The following ACTR3C variants were observed in gnomAD, a reference collection of about 807,000 sequenced individuals.
The protein encoded by ACTR3C is actin related protein 3C, also known as actin-related protein 3C.
A neutral mutation model predicts 26.3 loss-of-function variants in ACTR3C; 18 were observed. The ratio of observed to expected loss-of-function variants is 0.68; its 90% CI spans 0.47 to 1.01. The LOEUF is 1.01. ACTR3C is among the 50% of genes least tolerant of loss of function. The pLI is 0.00. For synonymous variants in ACTR3C, 55 were observed against 94.5 expected (o/e 0.58, Z 2.42); for missense variants, 184 against 250.7 (o/e 0.73, Z 1.80).
the ACTR3C span, among the ~76,000 whole-genome samples, chr7:150,127,822 G>A: frequency 6.0e-5 from 9 of 151,180 alleles, 1 homozygote; most frequent in South Asian, 4.2e-4. Context: ...TAAAGGCACC[G>A]TTACATCTAA....
At chr7:150,181,314 T>C in the ACTR3C span, among the ~76,000 whole-genome samples, 1 of 150,300 alleles carries the variant, frequency 6.7e-6, no homozygotes, top group Non-Finnish European at 1.5e-5. Flanking sequence ...TTATTTCCAT[T>C]AGAAGAAAAC....
the ACTR3C span, chr7:149,891,465 A>G: frequency 2.1e-6 from 1 of 474,562 alleles, no homozygotes; most frequent in Non-Finnish European, 3.9e-6. Flanking sequence ...GAAAAAAAAG[A>G]TTAAGTTACA....
chr7:150,223,506 A>G, the ACTR3C span, among the ~76,000 whole-genome samples: 168 of 151,922 alleles, frequency 1.1e-3, 1 homozygote, highest in African/African-American at 3.8e-3. Flanking sequence ...TTGTTTTTAG[A>G]AACTGCCAAA....
chr7:149,989,194 C>T, the ACTR3C span, among the ~76,000 whole-genome samples: 3 of 152,170 alleles, frequency 2.0e-5, no homozygotes, highest in Non-Finnish European at 4.4e-5. Context: ...TGCATATATT[C>T]ATGGGGTCCA....
At chr7:149,903,232 A>C in the ACTR3C span, among the ~76,000 whole-genome samples, 1 of 143,788 alleles carries the variant, frequency 7.0e-6, no homozygotes, top group Non-Finnish European at 1.5e-5. Context: ...TTTTAATAGA[A>C]GTTCTAGCCA....
chr7:150,239,502 TGCTC>T (rs1377729874), downstream of ACTR3C, among the ~76,000 whole-genome samples: 108 of 112,056 alleles, frequency 9.6e-4, 6 homozygotes, highest in African/African-American at 4.8e-3. Flanking sequence ...ACATAAAAGT[TGCTC>T]GCTCTCTCTC....
the ACTR3C span, among the ~76,000 whole-genome samples, chr7:149,939,850 A>G: frequency 6.8e-6 from 1 of 147,524 alleles, no homozygotes; most frequent in Non-Finnish European, 1.5e-5. Flanking sequence ...CAAATCTTCC[A>G]TTTGAAAGAA....
the ACTR3C span, among the ~76,000 whole-genome samples, chr7:150,121,822 G>A: frequency 5.6e-4 from 85 of 152,094 alleles, no homozygotes; most frequent in Admixed American, 1.1e-3. Context: ...CATGCTACCT[G>A]ACTTCAAACT....
chr7:150,041,574 G>T, the ACTR3C span: 4,843 of 154,848 alleles, frequency 0.031, 105 homozygotes, highest in South Asian at 0.14. Flanking sequence ...CTGCGATGGG[G>T]GTCCTAAGAG....
intron 6 of ACTR3C, among the ~76,000 whole-genome samples, chr7:150,279,139 CA>C (rs957068166): frequency 3.3e-5 from 5 of 151,500 alleles, no homozygotes; most frequent in Non-Finnish European, 2.9e-5. Context: ...CTCAACTCTA[CA>C]AAAAAAAATT....
chr7:150,086,066 TC>T, the ACTR3C span, among the ~76,000 whole-genome samples: 7 of 151,828 alleles, frequency 4.6e-5, no homozygotes, highest in African/African-American at 1.7e-4. Context: ...AACCTCCGTC[TC>T]CCAGGTTCAA....
At chr7:150,299,168 A>G (rs201111010) in intron 1 of ACTR3C, among the ~76,000 whole-genome samples, 8 of 151,582 alleles carry the variant, frequency 5.3e-5, no homozygotes, top group Non-Finnish European at 1.0e-4. Context: ...TTTTTAGTAG[A>G]GACAGGGTTT....
the ACTR3C span, among the ~76,000 whole-genome samples, chr7:150,029,415 AAAC>A: frequency 8.7e-5 from 8 of 92,252 alleles, no homozygotes; most frequent in African/African-American, 5.5e-4. Flanking sequence ...AAAAAAAAAA[AAAC>A]AAACAAAAAA....
At chr7:150,317,291 C>G (rs772601743) in intron 1 of ACTR3C, among the ~76,000 whole-genome samples, 1 of 152,036 alleles carries the variant, frequency 6.6e-6, no homozygotes, top group Non-Finnish European at 1.5e-5. Context: ...CTCAAGTGAC[C>G]TGCCTGCCTT....
At chr7:149,901,910 C>CAAAAAAAAA in the ACTR3C span, among the ~76,000 whole-genome samples, 3 of 56,760 alleles carry the variant, frequency 5.3e-5, no homozygotes, top group South Asian at 1.2e-3. Flanking sequence ...GACTCTGTCT[C>CAAAAAAAAA]AAAAAAAAAA....
At chr7:150,166,679 A>G in the ACTR3C span, among the ~76,000 whole-genome samples, 1 of 150,138 alleles carries the variant, frequency 6.7e-6, no homozygotes, top group East Asian at 1.9e-4. Flanking sequence ...AGCCTGGGCA[A>G]CAGAGTTAGA....
At chr7:149,905,347 G>A in the ACTR3C span, among the ~76,000 whole-genome samples, 3 of 151,722 alleles carry the variant, frequency 2.0e-5, no homozygotes, top group African/African-American at 7.2e-5. Context: ...AATAAATAGT[G>A]TTGGGACAAC....
chr7:149,911,345 G>T, the ACTR3C span, among the ~76,000 whole-genome samples: 1 of 150,642 alleles, frequency 6.6e-6, no homozygotes, highest in African/African-American at 2.5e-5. Context: ...TGCACCTTAT[G>T]CTTAAATAAA....
At chr7:150,049,414 G>T in the ACTR3C span, among the ~76,000 whole-genome samples, 6 of 152,346 alleles carry the variant, frequency 3.9e-5, no homozygotes, top group African/African-American at 1.2e-4. Flanking sequence ...GAACCTGTGA[G>T]ACCCGCCCCT....
Sources: gnomAD v4.1 joint callset for allele counts (sites outside exome capture counted in the v4.1 genomes callset) on GRCh38, gnomAD v4.1.1 for gene constraint, MANE v1.5 for transcripts, NCBI Gene and HGNC (gene_info 2026-07-23, HGNC 2026-07-21) for gene names.